DPF3: variants seen among roughly 807,000 people sequenced by gnomAD.
The protein encoded by DPF3 is zinc finger protein DPF3.
Under a neutral mutation model 56.8 loss-of-function variants are expected in DPF3, and 18 were observed. The ratio of observed to expected loss-of-function variants is 0.32; its 90% confidence interval spans 0.22 to 0.47. DPF3 has a LOEUF of 0.47. Ranked by LOEUF, DPF3 falls within the 20% of genes least tolerant of loss-of-function variation. The pLI is 1.00. For missense variants in DPF3, 403 were observed against 488.8 expected (o/e 0.82, Z 1.65); for synonymous variants, 188 against 180.2 (o/e 1.04, Z -0.35).
chr14:72,730,456 G>A (rs918834979), intron 4 of DPF3, among the ~76,000 whole-genome samples: 6 of 152,264 alleles, frequency 3.9e-5, no homozygotes, highest in African/African-American at 7.2e-5. Flanking sequence ...CGGGAATGGC[G>A]GAGAAGAAGG....
intron 1 of DPF3, among the ~76,000 whole-genome samples, chr14:72,847,675 C>A (rs1009749921): frequency 6.6e-6 from 1 of 152,040 alleles, no homozygotes; most frequent in Non-Finnish European, 1.5e-5. Flanking sequence ...CCATGCCCAG[C>A]TAATTTTTGT....
intron 1 of DPF3, among the ~76,000 whole-genome samples, chr14:72,873,898 G>A (rs1310655170): frequency 2.7e-5 from 4 of 148,084 alleles, no homozygotes; most frequent in Non-Finnish European, 5.9e-5. Context: ...ACAGGACGGG[G>A]AACATCACAC....
chr14:72,744,610 A>C (rs149679041), intron 3 of DPF3, among the ~76,000 whole-genome samples: 1 of 152,082 alleles, frequency 6.6e-6, no homozygotes, highest in Non-Finnish European at 1.5e-5. Flanking sequence ...ACAGCCCTCA[A>C]GATTCTTGAA....
At chr14:72,794,220 G>C (rs191532915) in intron 1 of DPF3, among the ~76,000 whole-genome samples, 1 of 152,278 alleles carries the variant, frequency 6.6e-6, no homozygotes, top group Admixed American at 6.5e-5. Context: ...CAAATGAGGT[G>C]ACCTCACTAT....
At chr14:72,771,990 C>T (rs1348442409) in intron 1 of DPF3, 97 bp from the exon 2 acceptor site, 6 of 1,288,666 alleles carry the variant, frequency 4.7e-6, no homozygotes. Flanking sequence ...CCTGGAAAGA[C>T]TGAAGACCTC....
intron 7 of DPF3, among the ~76,000 whole-genome samples, chr14:72,680,757 A>G (rs1887130603): frequency 6.6e-6 from 1 of 152,336 alleles, no homozygotes; most frequent in Non-Finnish European, 1.5e-5. Flanking sequence ...GTGGCTAACA[A>G]CGAAAGCCAT....
intron 2 of DPF3, among the ~76,000 whole-genome samples, chr14:72,759,464 T>C (rs1890977022): frequency 6.7e-6 from 1 of 149,928 alleles, no homozygotes; most frequent in African/African-American, 2.5e-5. Flanking sequence ...AGCCTGGGAG[T>C]TTGAGAGCAG....
rs112777416 is a variant in DPF3, at chr14:72,643,773, A to G, written c.872-14037T>C. On this transcript the variant is annotated intron_variant, in intron 8 of 10. Transcript: ENST00000556509. ...ACGGCTGGCATCCAAAGCCAATTTC[A>G]CACCACACCTCCATTACACTGTCAG... Among the ~76,000 whole-genome samples the G allele has an allele frequency of 4.6e-3, 693 of 152,266 alleles. 9 individuals carry two copies. The highest frequency in any genetic ancestry group is 0.016 in the African/African-American group (663 of 41,556).
intron 6 of DPF3, among the ~76,000 whole-genome samples, chr14:72,698,566 A>G (rs1320827797): frequency 6.6e-6 from 1 of 152,218 alleles, no homozygotes; most frequent in East Asian, 1.9e-4. Flanking sequence ...GCGCACCTAT[A>G]GTCCCAGCTA....
intron 1 of DPF3, among the ~76,000 whole-genome samples, chr14:72,873,343 C>A (rs1284408156): frequency 6.6e-6 from 1 of 152,190 alleles, no homozygotes; most frequent in East Asian, 1.9e-4. Flanking sequence ...CACTGGCCAT[C>A]AGAGAAATGC....
At position 72,619,292 on chromosome 14, in the gene DPF3, G is replaced by A; in HGVS notation, c.*5C>T. On this transcript the variant is annotated 3_prime_UTR_variant, in exon 11 of 11. Coordinates refer to ENST00000556509, the MANE Select transcript of DPF3 (RefSeq NM_001280542.3). ...GCAGCGAGTCACATTCTGTGACCTG[G>A]GGCCCTAGGCCTGGCAGCCAAAGGC... is the stretch of plus-strand genomic sequence containing the variant. 1 of 1,536,036 alleles carries A rather than the reference G, an allele frequency of 6.5e-7. No individual in the cohort carries two copies. The highest frequency in any genetic ancestry group is 1.2e-5 in the South Asian group (1 of 84,044).
intron 7 of DPF3, among the ~76,000 whole-genome samples, chr14:72,685,513 TA>T (rs1202176023): frequency 6.6e-6 from 1 of 152,256 alleles, no homozygotes; most frequent in East Asian, 1.9e-4. Flanking sequence ...AAGATAATTT[TA>T]TTTCTAACAA....
At chr14:72,637,597 A>C (rs1885422305) in intron 8 of DPF3, among the ~76,000 whole-genome samples, 2 of 152,244 alleles carry the variant, frequency 1.3e-5, no homozygotes, top group South Asian at 4.1e-4. Flanking sequence ...ACAGCACCTG[A>C]GTCCTTTGGA....
chr14:72,801,757 C>A (rs11627524), intron 1 of DPF3, among the ~76,000 whole-genome samples: 21,989 of 152,166 alleles, frequency 0.14, 1,717 homozygotes, highest in Middle Eastern at 0.32. Flanking sequence ...AAGGCCCATA[C>A]ACACTTGGAT....
intron 3 of DPF3, among the ~76,000 whole-genome samples, chr14:72,732,285 G>A (rs1355032882): frequency 4.6e-5 from 7 of 152,246 alleles, no homozygotes; most frequent in Non-Finnish European, 1.0e-4. Context: ...CAAAGCAGGG[G>A]TAACAATACC....
intron 8 of DPF3, among the ~76,000 whole-genome samples, chr14:72,631,448 C>A (rs2153567151): frequency 6.6e-6 from 1 of 152,308 alleles, no homozygotes; most frequent in Middle Eastern, 3.4e-3. Flanking sequence ...AGAGAGAACA[C>A]TGGGATGGGT....
chr14:72,674,263 G>A lies in DPF3; in HGVS notation c.848C>T (p.Ser283Phe). ...KKSGRPEELV[S>F]CADCGRSGHP... ...ACCAGAGCGTCCACAGTCTGCGCAG[G>A]ACACCAGCTCTTCAGGCCGCCCACT... The change falls in exon 8 of 11, where the codon TCC (serine) becomes TTC (phenylalanine). Residue 283 changes from serine to phenylalanine, a missense_variant. Ser to Phe is a radical substitution (Grantham distance 155, BLOSUM62 -2). Around this residue, in one of 2 missense-constraint regions of DPF3, gnomAD observed 340 missense variants for 374.3 expected, o/e 0.91. Transcript: ENST00000556509. 6.2e-7 allele frequency: 1 copy of A among 1,612,856 alleles called. No individual in the cohort carries two copies. The highest frequency in any genetic ancestry group is 8.5e-7 in the Non-Finnish European group (1 of 1,179,508).
intron 3 of DPF3, among the ~76,000 whole-genome samples, chr14:72,732,973 C>T (rs1198033817): frequency 1.3e-5 from 2 of 151,420 alleles, no homozygotes; most frequent in African/African-American, 4.9e-5. Context: ...ACTTTATCAC[C>T]CAGGCTGGAG....
At chr14:72,731,220 T>C (rs960651563) in intron 4 of DPF3, among the ~76,000 whole-genome samples, 26 of 152,032 alleles carry the variant, frequency 1.7e-4, no homozygotes, top group Admixed American at 1.4e-3. Context: ...TGCACCCTTA[T>C]AATCCTATTC....
Sources: allele counts gnomAD v4.1 joint callset (sites outside exome capture counted in the v4.1 genomes callset), GRCh38; gene constraint gnomAD v4.1.1; regional missense constraint gnomAD v4.1.1; transcripts MANE v1.5; gene names NCBI Gene and HGNC (gene_info 2026-07-23, HGNC 2026-07-21).